The following MYO18A variants were observed in gnomAD, a reference collection of about 807,000 sequenced individuals.
MYO18A encodes myosin XVIIIA.
MYO18A carries 78 observed loss-of-function variants against 235.8 expected under a neutral mutation model. The observed-to-expected ratio is 0.33, with a 90% CI of 0.28 to 0.40. The LOEUF (loss-of-function observed/expected upper bound fraction) is 0.40. MYO18A is among the 10% of genes least tolerant of loss of function. The pLI is 1.00. For synonymous variants in MYO18A, 977 were observed against 1,077.8 expected, an observed-to-expected ratio of 0.91 and a Z score of 1.83; for missense variants, 2,215 against 2,699.3, an observed-to-expected ratio of 0.82 and a Z score of 3.98.
chr17:29,100,200 CCT>C (rs1406378434), intron 21 of MYO18A, among the ~76,000 whole-genome samples: 4 of 152,214 alleles, frequency 2.6e-5, no homozygotes, highest in African/African-American at 4.8e-5. Flanking sequence ...GCTCCAGGCC[CCT>C]CTGACTCCCA....
In MYO18A at chr17:29,126,603, G is replaced by T. The variant is rs1236575314; in HGVS notation, c.1000-4350C>A. ...TCCCAGGAGGTAACAGTCAGGGAGG[G>T]CCTCAAGGCCTCTCAGGCTATTCCC... On this transcript the variant is annotated intron_variant, in intron 2 of 41. Coordinates refer to ENST00000527372, the MANE Select transcript of MYO18A (RefSeq NM_078471.4). The surrounding 1 kb of genome is among the most constrained non-coding windows in gnomAD (Gnocchi z 4.1). Among the ~76,000 whole-genome samples, 2 of 152,304 alleles carry T rather than the reference G, an allele frequency of 1.3e-5. No homozygotes were observed. The highest frequency in any genetic ancestry group is 3.9e-4 in the East Asian group (2 of 5,176).
chr17:29,147,273 T>C (rs2067868517), intron 2 of MYO18A, among the ~76,000 whole-genome samples: 2 of 152,060 alleles, frequency 1.3e-5, no homozygotes, highest in African/African-American at 4.8e-5. Context: ...TCCCGGCACT[T>C]TGGGAGGCCG....
chr17:29,092,306 C>T, intron 34 of MYO18A, 37 bp downstream of exon 34: 3 of 1,508,344 alleles, frequency 2.0e-6, no homozygotes, highest in Admixed American at 1.7e-5. Flanking sequence ...TCTGCCTCAG[C>T]CCCCCGAGCT....
At chr17:29,104,007 C>G (rs1354043261) in intron 20 of MYO18A, among the ~76,000 whole-genome samples, 2 of 152,174 alleles carry the variant, frequency 1.3e-5, no homozygotes, top group African/African-American at 2.4e-5. Flanking sequence ...GCATTTCAGG[C>G]AGAGGAACCA....
intron 19 of MYO18A, among the ~76,000 whole-genome samples, chr17:29,108,690 G>A (rs1489037513): frequency 6.6e-6 from 1 of 152,230 alleles, no homozygotes. Flanking sequence ...ATTGAAACAG[G>A]AGGTGGGGGC....
rs887619834 is a variant in MYO18A, at chr17:29,080,589, G to C, written c.6020+1727C>G. The stretch of plus-strand genomic sequence containing the variant: ...AGGTGCTGCGGCGGGAACCGGGCGA[G>C]CCCGACAGCGAGAAACTCAGGGAAG... On this transcript the variant is annotated intron_variant, in intron 41 of 41. Transcript: ENST00000527372. The C allele has an allele frequency of 3.0e-6, 3 of 985,804 alleles. No homozygotes were observed. The South Asian group carries it at 1.4e-4, about 46-fold the overall frequency. 61.1% of individuals were successfully genotyped at this position (985,804 alleles called of 1,614,324 possible). A position where few individuals can be genotyped will look rare whatever the true frequency, so the allele number is the denominator to read the frequency against.
chr17:29,098,718 C>G, intron 23 of MYO18A, 108 bp downstream of exon 23: 2 of 1,432,316 alleles, frequency 1.4e-6, no homozygotes, highest in Non-Finnish European at 1.9e-6. Context: ...GAGCACATTT[C>G]AAGGATGACA....
In MYO18A at chr17:29,116,383, C is replaced by T. The variant is rs191294293; in HGVS notation, c.2050+61G>A. Reference sequence around the variant, plus strand: ...GAACAGCCCGCACAGACATATGTGCCTCAGCCAACATGTGTCTAATCACGG... The same window carrying T: ...GAACAGCCCGCACAGACATATGTGCTTCAGCCAACATGTGTCTAATCACGG... On this transcript the variant is annotated intron_variant, in intron 11 of 41. Transcript: ENST00000527372. 664 of 1,603,476 alleles carry T rather than the reference C, an allele frequency of 4.1e-4. 4 individuals are homozygous for T. The South Asian group carries it at 4.7e-3, about 11-fold the overall frequency.
chr17:29,160,361 C>T (rs1299791646), intron 2 of MYO18A, among the ~76,000 whole-genome samples: 5 of 152,192 alleles, frequency 3.3e-5, no homozygotes, highest in Non-Finnish European at 7.3e-5. Context: ...ATAGAGATCA[C>T]AGGTCACCTT....
chr17:29,165,915 A>T (rs765331458), intron 2 of MYO18A, 27 bp downstream of exon 2: 45 of 1,593,856 alleles, frequency 2.8e-5, no homozygotes, highest in Admixed American at 5.1e-5. Flanking sequence ...ATCCCTGCTT[A>T]GCCCAGGTGC....
rs2067005325 is a variant in MYO18A, at chr17:29,114,315, G to C, written c.2512-218C>G. 9.2e-6 allele frequency: 5 copies of C among 544,434 alleles called. No homozygotes were observed. The Admixed American group carries it at 1.3e-4, about 14-fold the overall frequency. The allele number at this position is 544,434 out of a possible 1,614,324, so 33.7% of individuals were successfully genotyped here. A position where few individuals can be genotyped will look rare whatever the true frequency, so the allele number is the denominator to read the frequency against. ...CAGAACCTCTTTTTATCCGAAGCCA[G>C]AGTCACATTCTCATTACTCACATGA... is the stretch of plus-strand genomic sequence containing the variant. On this transcript the variant is annotated intron_variant, in intron 14 of 41. Transcript: ENST00000527372.
At chr17:29,179,157 C>T (rs1199684653) in intron 1 of MYO18A, among the ~76,000 whole-genome samples, 1 of 152,178 alleles carries the variant, frequency 6.6e-6, no homozygotes, top group Non-Finnish European at 1.5e-5. Flanking sequence ...CCTCCCCACA[C>T]AAATACAAAC....
chr17:29,099,568 C>A, intron 22 of MYO18A, 66 bp downstream of exon 22: 1 of 1,565,272 alleles, frequency 6.4e-7, no homozygotes, highest in Admixed American at 1.8e-5. Context: ...CTTATAGCCC[C>A]CACCCCAGGA....
rs1203973928 is a variant in MYO18A, at chr17:29,098,079, T to A, written c.3990+26A>T. On this transcript the variant is annotated intron_variant, in intron 25 of 41. Transcript: ENST00000527372. ...TAGGGTATGGCAGTCACCAGCCTGC[T>A]GTTCTCACCCAGGCCCTGCCCTCAC... The A allele has an allele frequency of 1.9e-6, 3 of 1,610,574 alleles. No individual in the cohort carries two copies. In the South Asian group the frequency reaches 3.3e-5, roughly 18 times the overall value.
In MYO18A at chr17:29,118,708, C is replaced by T. The variant is rs535007410; in HGVS notation, c.1830-268G>A. ...CCCCGGAAGGGAGCAGGGAACCTGC[C>T]CGAAGGGTGAGTCCCGCCAAGGCAG... On this transcript the variant is annotated intron_variant, in intron 8 of 41. Coordinates refer to ENST00000527372, the MANE Select transcript of MYO18A (RefSeq NM_078471.4). This position sits in a 1 kb window ranked among gnomAD's most constrained non-coding sequence, Gnocchi z 4.2. Among the ~76,000 whole-genome samples the T allele has an allele frequency of 6.6e-6, 1 of 152,226 alleles. No homozygotes were observed. The highest frequency in any genetic ancestry group is 2.4e-5 in the African/African-American group (1 of 41,452).
intron 36 of MYO18A, 165 bp from the exon 37 acceptor site, chr17:29,090,263 C>A: frequency 1.3e-6 from 1 of 775,654 alleles, no homozygotes; most frequent in South Asian, 1.9e-5. Context: ...CCCCCATCTG[C>A]CCCAGTGCTT....
intron 2 of MYO18A, chr17:29,124,581 G>A: frequency 1.8e-6 from 2 of 1,133,406 alleles, no homozygotes; most frequent in Non-Finnish European, 2.3e-6. Context: ...CGCCAGCCCA[G>A]GTGCAGGCCA....
intron 2 of MYO18A, among the ~76,000 whole-genome samples, chr17:29,164,280 C>T (rs2068235304): frequency 6.6e-6 from 1 of 152,220 alleles, no homozygotes; most frequent in South Asian, 2.1e-4. Flanking sequence ...GTGGCTAAAA[C>T]ATAGTAGGTG....
chr17:29,116,772 C>T (rs948728223), intron 10 of MYO18A, among the ~76,000 whole-genome samples: 23 of 137,454 alleles, frequency 1.7e-4, no homozygotes, highest in Admixed American at 1.3e-3. Context: ...AGCTCTGAGG[C>T]GCTAACAGAC....
Sources: gnomAD v4.1 joint callset for allele counts (sites outside exome capture counted in the v4.1 genomes callset) on GRCh38, gnomAD v4.1.1 for gene constraint, Gnocchi (gnomAD v3.1) non-coding constraint, MANE v1.5 for transcripts, NCBI Gene and HGNC (gene_info 2026-07-23, HGNC 2026-07-21) for gene names.